The following THADA variants were observed in gnomAD, a reference collection of about 807,000 sequenced individuals.
The protein encoded by THADA is THADA armadillo repeat containing, also known as tRNA (32-2'-O)-methyltransferase regulator THADA.
A neutral mutation model predicts 219.8 loss-of-function variants in THADA; 213 were observed. The observed-to-expected ratio is 0.97, with a 90% CI of 0.87 to 1.09. THADA has a LOEUF of 1.09. Among genes scored for constraint, THADA ranks in the 50% least tolerant of loss-of-function variants. The pLI is 0.00. For synonymous variants in THADA, 1,018 were observed against 828.9 expected (o/e 1.23, Z -3.92); for missense variants, 2,956 against 2,311.3 (o/e 1.28, Z -5.72).
rs370796162 is a variant in THADA at position 43,231,001 on chromosome 2, A to C, written c.5809T>G (p.Ser1937Ala). 62 of 1,613,750 alleles carry C rather than the reference A, an allele frequency of 3.8e-5. No homozygotes were observed. The African/African-American group carries it at 7.5e-4, about 19-fold the overall frequency. ...EDTLVLSVWD[S>A]YAESRQLTLP... ...GTTAACTGCCTCGATTCTGCATAAG[A>C]GTCCCAAACACTGAGAACTAGGGTG... Residue 1937 changes from serine (S) to alanine (A), a missense_variant, in exon 38 of 38, where the codon TCT becomes GCT. Coordinates refer to ENST00000405975, the MANE Select transcript of THADA (RefSeq NM_022065.5).
chr2:43,349,082 T>C (rs753080819), intron 29 of THADA, among the ~76,000 whole-genome samples: 4 of 152,098 alleles, frequency 2.6e-5, no homozygotes, highest in Non-Finnish European at 5.9e-5. Flanking sequence ...GCCAACAGCA[T>C]CATCCATGAC....
intron 24 of THADA, among the ~76,000 whole-genome samples, chr2:43,503,518 G>A (rs987116644): frequency 1.3e-5 from 2 of 152,276 alleles, no homozygotes; most frequent in Middle Eastern, 6.8e-3. Flanking sequence ...ATTTGGGTTA[G>A]TGATTATAAC....
intron 33 of THADA, 86 bp downstream of exon 33, chr2:43,292,018 G>A (rs977136857): frequency 1.4e-5 from 13 of 917,092 alleles, no homozygotes; most frequent in Admixed American, 8.4e-5. Context: ...GAGACCTGAG[G>A]GCAGGATTGT....
chr2:43,459,104 A>T (rs1683339357), intron 26 of THADA, among the ~76,000 whole-genome samples: 1 of 152,184 alleles, frequency 6.6e-6, no homozygotes, highest in Non-Finnish European at 1.5e-5. Flanking sequence ...ATCATACTAA[A>T]GCAAATCCTG....
chr2:43,430,027 G>T (rs1465631677), intron 27 of THADA, among the ~76,000 whole-genome samples, 186 bp downstream of exon 27: 1 of 151,918 alleles, frequency 6.6e-6, no homozygotes, highest in African/African-American at 2.4e-5. Context: ...AAATGGGCAA[G>T]GAGTGGTGGC....
chr2:43,540,792 G>GT (rs1695193987), intron 21 of THADA, among the ~76,000 whole-genome samples: 1 of 152,052 alleles, frequency 6.6e-6, no homozygotes. Context: ...CAACCAACAT[G>GT]TTACTTTTTT....
chr2:43,471,730 T>C (rs1335188660), intron 26 of THADA, among the ~76,000 whole-genome samples: 3 of 152,204 alleles, frequency 2.0e-5, no homozygotes, highest in Non-Finnish European at 2.9e-5. Context: ...ACTATAACAT[T>C]TGGTTCCTAA....
intron 29 of THADA, among the ~76,000 whole-genome samples, chr2:43,365,965 A>G (rs181525514): frequency 2.0e-5 from 3 of 152,292 alleles, no homozygotes; most frequent in Admixed American, 2.0e-4. Flanking sequence ...ATAACATATA[A>G]TATGTGGGAG....
At chr2:43,250,995 A>G in intron 36 of THADA, among the ~76,000 whole-genome samples, 1 of 152,308 alleles carries the variant, frequency 6.6e-6, no homozygotes, top group South Asian at 2.1e-4. Flanking sequence ...ACAAGAGTGA[A>G]AAGGGGTCAG....
intron 31 of THADA, among the ~76,000 whole-genome samples, chr2:43,299,461 C>T (rs1675993034): frequency 6.6e-6 from 1 of 151,412 alleles, no homozygotes. Flanking sequence ...GAGTTTGAGA[C>T]CAACCTGGCC....
At chr2:43,406,377 T>C (rs748579056) in intron 28 of THADA, among the ~76,000 whole-genome samples, 1 of 152,262 alleles carries the variant, frequency 6.6e-6, no homozygotes, top group Non-Finnish European at 1.5e-5. Context: ...CGCTAATTTC[T>C]GGTCACTTGC....
At chr2:43,474,603 C>T (rs892697323) in intron 26 of THADA, among the ~76,000 whole-genome samples, 1 of 152,146 alleles carries the variant, frequency 6.6e-6, no homozygotes, top group African/African-American at 2.4e-5. Context: ...AAACAGGACA[C>T]TAATCATAGA....
intron 30 of THADA, among the ~76,000 whole-genome samples, chr2:43,324,023 T>A (rs1313130197): frequency 6.6e-6 from 1 of 152,182 alleles, no homozygotes; most frequent in East Asian, 1.9e-4. Context: ...CTTAGTGTAA[T>A]AATTGACTGC....
chr2:43,405,682 G>A (rs893137009), intron 28 of THADA, among the ~76,000 whole-genome samples: 6 of 152,136 alleles, frequency 3.9e-5, no homozygotes, highest in African/African-American at 1.4e-4. Flanking sequence ...AGCTTTTAAA[G>A]TTTGATTTTT....
intron 29 of THADA, among the ~76,000 whole-genome samples, chr2:43,371,436 A>T (rs1670792349): frequency 6.6e-6 from 1 of 152,234 alleles, no homozygotes; most frequent in African/African-American, 2.4e-5. Context: ...GAATGTTAAT[A>T]GTAGATACTG....
chr2:43,291,753 ACT>A lies in THADA; in HGVS notation c.4951_4952del (p.Ser1651CysfsTer27). 6.4e-7 allele frequency: 1 copy of A among 1,551,380 alleles called. No homozygotes were observed. The highest frequency in any genetic ancestry group is 8.7e-7 in the Non-Finnish European group (1 of 1,145,706). ...CTTTGGAAGCAAGTCTCAGAGCTACACTCTGAATTTCAGATCTAGAAAAATAA... is the reference window on the plus strand; with the variant it reads ...CTTTGGAAGCAAGTCTCAGAGCTACACTGAATTTCAGATCTAGAAAAATAA... ...IASNERSEIQ[S>X]VALRLASKVI... is the part of the protein sequence containing the mutation. On this transcript the variant is annotated frameshift_variant, in exon 34 of 38. Coordinates refer to ENST00000405975, the MANE Select transcript of THADA (RefSeq NM_022065.5). LOFTEE classifies it high-confidence loss of function.
rs753067460 is a variant in THADA, at chr2:43,572,949, C to T, written c.1773G>A (p.Arg591=). ...SFPSLGSCNS[R]GALGALMACL... ...ATGCCATCAAAGCTCCCAGAGCCCC[C>T]CTGCTATTACAAGACCCTAAGGATG... Residue 591 remains arginine (R), a synonymous_variant, in exon 12 of 38, where the codon AGG becomes AGA. Coordinates refer to ENST00000405975, the MANE Select transcript of THADA (RefSeq NM_022065.5). 4 of 1,613,920 alleles carry T rather than the reference C, an allele frequency of 2.5e-6. No individual in the cohort carries two copies. The highest frequency in any genetic ancestry group is 1.3e-5 in the African/African-American group (1 of 75,040).
At chr2:43,438,224 C>T (rs1384086595) in intron 26 of THADA, among the ~76,000 whole-genome samples, 1 of 150,726 alleles carries the variant, frequency 6.6e-6, no homozygotes, top group Non-Finnish European at 1.5e-5. Context: ...ATGGCGTGAA[C>T]CCAGGAGGCG....
chr2:43,447,520 T>G lies in THADA; in HGVS notation c.3837-17218A>C, dbSNP rs72881051. Among the ~76,000 whole-genome samples the G allele has an allele frequency of 7.0e-3, 1,060 of 152,296 alleles. 15 individuals carry two copies. The highest frequency in any genetic ancestry group is 0.024 in the African/African-American group (1,010 of 41,562). ...CATTTATAGATTCTGGGAATTAGGA[T>G]CTGAGATCTTTGAAGGGCCATTAAT... On this transcript the variant is annotated intron_variant, in intron 26 of 37. Coordinates refer to ENST00000405975, the MANE Select transcript of THADA (RefSeq NM_022065.5).
Sources: gnomAD v4.1 joint callset for allele counts (sites outside exome capture counted in the v4.1 genomes callset) on GRCh38, gnomAD v4.1.1 for gene constraint, MANE v1.5 for transcripts, NCBI Gene and HGNC (gene_info 2026-07-23, HGNC 2026-07-21) for gene names.